The following KDM4C variants were observed in gnomAD, a reference collection of about 807,000 sequenced individuals.
The protein encoded by KDM4C is lysine-specific demethylase 4C.
KDM4C carries 81 observed loss-of-function variants against 129.3 expected under a neutral mutation model. The ratio of observed to expected loss-of-function variants is 0.63; its 90% confidence interval spans 0.52 to 0.75. The LOEUF (loss-of-function observed/expected upper bound fraction) is 0.75. Among genes scored for constraint, KDM4C ranks in the 30% least tolerant of loss-of-function variants. KDM4C has a pLI of 0.00. For missense variants in KDM4C, 1,457 were observed against 1,304.0 expected, an observed-to-expected ratio of 1.12 and a Z score of -1.81; for synonymous variants, 573 against 456.1, an observed-to-expected ratio of 1.26 and a Z score of -3.26.
intron 8 of KDM4C, chr9:6,925,095 G>T (rs1004558222): frequency 1.0e-6 from 1 of 985,404 alleles, no homozygotes; most frequent in Non-Finnish European, 1.2e-6. Flanking sequence ...TAGCTTTCTA[G>T]TACAGACCAT....
At chr9:6,964,767 G>C (rs1463875765) in intron 8 of KDM4C, among the ~76,000 whole-genome samples, 1 of 131,094 alleles carries the variant, frequency 7.6e-6, no homozygotes, top group Non-Finnish European at 1.5e-5. Context: ...GGGGGACAGA[G>C]TGAGACTCCG....
intron 19 of KDM4C, among the ~76,000 whole-genome samples, chr9:7,142,549 C>G (rs1045051002): frequency 1.3e-5 from 2 of 152,188 alleles, no homozygotes; most frequent in African/African-American, 4.8e-5. Context: ...GACTACATGA[C>G]TTACCGAGTC....
chr9:6,997,255 C>T (rs1819933250), intron 12 of KDM4C, among the ~76,000 whole-genome samples: 1 of 152,158 alleles, frequency 6.6e-6, no homozygotes, highest in African/African-American at 2.4e-5. Context: ...AGAAATTTTC[C>T]AGGACCAGAA....
chr9:7,148,444 A>G (rs894816196), intron 19 of KDM4C, among the ~76,000 whole-genome samples: 2 of 152,220 alleles, frequency 1.3e-5, no homozygotes, highest in African/African-American at 2.4e-5. Context: ...TGTGTGGGGC[A>G]GCTGCCCAGT....
intron 15 of KDM4C, among the ~76,000 whole-genome samples, chr9:7,020,089 T>A (rs1824520067): frequency 6.6e-6 from 1 of 152,166 alleles, no homozygotes; most frequent in South Asian, 2.1e-4. Flanking sequence ...GTCACTCTGA[T>A]TCATTGTGTT....
intron 10 of KDM4C, among the ~76,000 whole-genome samples, 164 bp from the exon 11 acceptor site, chr9:6,986,180 G>A (rs1363939025): frequency 6.6e-6 from 1 of 152,186 alleles, no homozygotes; most frequent in Non-Finnish European, 1.5e-5. Flanking sequence ...GAGCTAGTAT[G>A]TGATGGGTAC....
chr9:6,839,199 A>T (rs771580876), intron 4 of KDM4C, among the ~76,000 whole-genome samples: 1 of 152,094 alleles, frequency 6.6e-6, no homozygotes, highest in Non-Finnish European at 1.5e-5. Flanking sequence ...AAACGGGATG[A>T]TACAAGTCAA....
chr9:7,006,364 G>A (rs1821671541), intron 12 of KDM4C, among the ~76,000 whole-genome samples: 1 of 152,118 alleles, frequency 6.6e-6, no homozygotes, highest in Non-Finnish European at 1.5e-5. Context: ...TCTGACTGTT[G>A]GGGAATCATT....
intron 1 of KDM4C, among the ~76,000 whole-genome samples, chr9:6,769,323 G>GGT (rs1821289919): frequency 6.6e-6 from 1 of 151,758 alleles, no homozygotes; most frequent in South Asian, 2.1e-4. Flanking sequence ...AGTGGGCTTT[G>GGT]GTGTGATCTT....
chr9:7,076,618 C>T, intron 17 of KDM4C: 1 of 1,410,668 alleles, frequency 7.1e-7, no homozygotes, highest in South Asian at 1.7e-5. Context: ...AGCCTGAGCT[C>T]CTGATTGAGT....
At chr9:6,969,036 A>T (rs1831480692) in intron 8 of KDM4C, among the ~76,000 whole-genome samples, 1 of 152,156 alleles carries the variant, frequency 6.6e-6, no homozygotes, top group South Asian at 2.1e-4. Flanking sequence ...TCCTGGTTCA[A>T]ATGATTCTTG....
At chr9:6,852,283 G>A (rs1838987573) in intron 5 of KDM4C, among the ~76,000 whole-genome samples, 3 of 152,180 alleles carry the variant, frequency 2.0e-5, no homozygotes, top group Admixed American at 2.0e-4. Flanking sequence ...GTATTTGGAG[G>A]CAGGCGGTTT....
At chr9:7,131,031 A>G (rs766970064) in intron 19 of KDM4C, among the ~76,000 whole-genome samples, 119 of 151,942 alleles carry the variant, frequency 7.8e-4, no homozygotes, top group Non-Finnish European at 1.2e-3. Context: ...GGCATCCCAA[A>G]GTGCTGGGAT....
chr9:6,862,097 T>C (rs1331091672), intron 5 of KDM4C, among the ~76,000 whole-genome samples: 1 of 152,138 alleles, frequency 6.6e-6, no homozygotes. Flanking sequence ...TGAGAGGACA[T>C]AGCAGTCAAT....
chr9:6,864,111 C>G (rs1288167278), intron 5 of KDM4C, among the ~76,000 whole-genome samples: 2 of 152,136 alleles, frequency 1.3e-5, no homozygotes, highest in East Asian at 3.9e-4. Context: ...ATGTTTTCTT[C>G]TTGCATGTTA....
At chr9:6,897,517 A>G (rs900870705) in intron 8 of KDM4C, among the ~76,000 whole-genome samples, 7 of 152,186 alleles carry the variant, frequency 4.6e-5, no homozygotes, top group African/African-American at 1.7e-4. Flanking sequence ...GCAGTTGTGT[A>G]ATTTTCCCCC....
At chr9:6,787,772 T>C (rs1428774510) in intron 1 of KDM4C, among the ~76,000 whole-genome samples, 1 of 152,254 alleles carries the variant, frequency 6.6e-6, no homozygotes, top group East Asian at 1.9e-4. Flanking sequence ...TTACAATATG[T>C]GAGCCAGCTC....
chr9:7,095,357 G>A (rs949538127), intron 17 of KDM4C, among the ~76,000 whole-genome samples: 1 of 152,204 alleles, frequency 6.6e-6, no homozygotes, highest in African/African-American at 2.4e-5. Flanking sequence ...ATCTTGCTAA[G>A]GATAATTAGT....
intron 18 of KDM4C, among the ~76,000 whole-genome samples, chr9:7,122,942 A>G (rs1839661628): frequency 6.6e-6 from 1 of 152,222 alleles, no homozygotes; most frequent in Non-Finnish European, 1.5e-5. Flanking sequence ...CATTCTTAAC[A>G]TCAATAGATT....
Sources: gnomAD v4.1 joint callset for allele counts (sites outside exome capture counted in the v4.1 genomes callset) on GRCh38, gnomAD v4.1.1 for gene constraint, MANE v1.5 for transcripts, NCBI Gene and HGNC (gene_info 2026-07-23, HGNC 2026-07-21) for gene names.